PTPRT: variants seen among roughly 807,000 people sequenced by gnomAD.
PTPRT encodes the protein protein tyrosine phosphatase receptor type T, also known as receptor-type tyrosine-protein phosphatase T.
Under a neutral mutation model 176.8 loss-of-function variants are expected in PTPRT, and 56 were observed. That is an observed-to-expected ratio of 0.32 (90% confidence interval 0.26 to 0.40). The LOEUF (loss-of-function observed/expected upper bound fraction) is 0.40, where lower values mean the gene tolerates loss of function less well. Among genes scored for constraint, PTPRT ranks in the 10% least tolerant of loss-of-function variants. The pLI is 1.00. For synonymous variants in PTPRT, 783 were observed against 739.0 expected (o/e 1.06, Z -0.96); for missense variants, 1,540 against 1,908.2 (o/e 0.81, Z 3.60).
At chr20:42,407,982 T>A (rs1211370733) in intron 9 of PTPRT, among the ~76,000 whole-genome samples, 1 of 152,118 alleles carries the variant, frequency 6.6e-6, no homozygotes, top group Non-Finnish European at 1.5e-5. Flanking sequence ...ACTAATAAAT[T>A]TTATTGAAAC....
rs548811147 is a variant in PTPRT at position 43,008,640 on chromosome 20, G to A, written c.89-122708C>T. ...CGGGAGATGGAGGTTGCAGTGAGCC[G>A]ACATCACACCACTGCACTCCAGCCT... On this transcript the variant is annotated intron_variant, in intron 1 of 30. Transcript: ENST00000373187. Among the ~76,000 whole-genome samples, 8 of 152,074 alleles carry A rather than the reference G, an allele frequency of 5.3e-5. 1 individual carries two copies. In the Middle Eastern group the frequency reaches 0.014, roughly 259 times the overall value.
intron 2 of PTPRT, among the ~76,000 whole-genome samples, chr20:42,867,374 T>C (rs1375658152): frequency 6.6e-6 from 1 of 151,400 alleles, no homozygotes; most frequent in Non-Finnish European, 1.5e-5. Context: ...ATTTCTTCTA[T>C]GTGAAAAGAA....
chr20:42,683,061 C>T (rs1046742013), intron 6 of PTPRT, among the ~76,000 whole-genome samples: 1 of 152,068 alleles, frequency 6.6e-6, no homozygotes, highest in South Asian at 2.1e-4. Context: ...ACACTTTACA[C>T]CACACGTCTC....
chr20:42,577,927 G>C (rs1265905955), intron 7 of PTPRT, among the ~76,000 whole-genome samples: 1 of 99,170 alleles, frequency 1.0e-5, no homozygotes, highest in Non-Finnish European at 2.1e-5. Flanking sequence ...GCGAGGCTGT[G>C]TGTGTGTGTG....
chr20:42,098,360 C>T (rs2076251), intron 27 of PTPRT, 61 bp downstream of exon 27: 90,987 of 1,597,728 alleles, frequency 0.057, 5,812 homozygotes, highest in East Asian at 0.23. Context: ...AAGGGATCTC[C>T]CTCCAGGTTT....
At chr20:42,116,945 C>A (rs1987314029) in intron 21 of PTPRT, among the ~76,000 whole-genome samples, 1 of 152,186 alleles carries the variant, frequency 6.6e-6, no homozygotes, top group East Asian at 1.9e-4. Flanking sequence ...GAATCCTGGG[C>A]TGGCCTTTAT....
At chr20:43,064,719 A>C (rs1056490336) in intron 1 of PTPRT, among the ~76,000 whole-genome samples, 1 of 152,196 alleles carries the variant, frequency 6.6e-6, no homozygotes, top group Non-Finnish European at 1.5e-5. Flanking sequence ...TCAAGGAGGA[A>C]GCCCACATGT....
intron 9 of PTPRT, among the ~76,000 whole-genome samples, chr20:42,424,241 C>T (rs978457): frequency 0.67 from 102,605 of 152,014 alleles, 34,897 homozygotes; most frequent in East Asian, 0.77. Flanking sequence ...CCTTTTTGTC[C>T]CCAGCTGAAA....
chr20:42,871,393 C>A (rs968598592), intron 2 of PTPRT, among the ~76,000 whole-genome samples: 1 of 151,714 alleles, frequency 6.6e-6, no homozygotes, highest in East Asian at 1.9e-4. Flanking sequence ...CAGATAGTAA[C>A]CCTACAAGAG....
Position 42,406,367 on chromosome 20 carries a change from T to A in PTPRT, c.1560+41853A>T, listed in dbSNP as rs1283185553. The stretch of plus-strand genomic sequence containing the variant: ...GTGGTATAACCATAAATAGACAAGA[T>A]ATTAAATTTTAAAATATTATGTATA... On this transcript the variant is annotated intron_variant, in intron 9 of 30. Coordinates refer to ENST00000373187, the MANE Select transcript of PTPRT (RefSeq NM_007050.6). Among the ~76,000 whole-genome samples, 7 of 152,020 alleles carry A rather than the reference T, an allele frequency of 4.6e-5. No homozygotes were observed. In the East Asian group the frequency reaches 1.2e-3, roughly 25 times the overall value.
intron 1 of PTPRT, among the ~76,000 whole-genome samples, chr20:42,974,126 A>G (rs1349236378): frequency 6.6e-6 from 1 of 152,216 alleles, no homozygotes; most frequent in Non-Finnish European, 1.5e-5. Flanking sequence ...CCAGCAGCAG[A>G]TGCTACCCCA....
chr20:42,175,660 T>C (rs74167761), intron 16 of PTPRT, among the ~76,000 whole-genome samples: 7,929 of 148,390 alleles, frequency 0.053, 367 homozygotes, highest in East Asian at 0.18. Context: ...CTGTGTTTTT[T>C]TGCAAGTAAA....
At chr20:42,972,228 T>C (rs1982687654) in intron 1 of PTPRT, among the ~76,000 whole-genome samples, 1 of 148,288 alleles carries the variant, frequency 6.7e-6, no homozygotes, top group Admixed American at 6.6e-5. Context: ...GTGTGAACTT[T>C]CACAAAGGCC....
chr20:42,651,147 T>C (rs1287553627), intron 7 of PTPRT, among the ~76,000 whole-genome samples: 1 of 152,090 alleles, frequency 6.6e-6, no homozygotes. Flanking sequence ...TAAAGGAAAG[T>C]GAATTTGGTA....
At chr20:42,138,935 A>T (rs1988500149) in intron 18 of PTPRT, among the ~76,000 whole-genome samples, 1 of 152,120 alleles carries the variant, frequency 6.6e-6, no homozygotes, top group Non-Finnish European at 1.5e-5. Flanking sequence ...CTCCAGCCTC[A>T]CAGTGCTCTG....
At chr20:42,600,717 T>C (rs754535237) in intron 7 of PTPRT, among the ~76,000 whole-genome samples, 18 of 152,212 alleles carry the variant, frequency 1.2e-4, no homozygotes, top group Non-Finnish European at 1.9e-4. Flanking sequence ...TTTTTGACTT[T>C]ATGTGCCTGA....
chr20:42,293,868 C>T (rs2057351362), intron 12 of PTPRT, among the ~76,000 whole-genome samples: 4 of 152,112 alleles, frequency 2.6e-5, no homozygotes. Flanking sequence ...CACAGTCAAT[C>T]AACCATTAAT....
intron 6 of PTPRT, among the ~76,000 whole-genome samples, chr20:42,715,878 T>C (rs1290778181): frequency 6.6e-6 from 1 of 152,204 alleles, no homozygotes; most frequent in Non-Finnish European, 1.5e-5. Context: ...TGTATGGAAG[T>C]ATAAAGAACC....
chr20:42,594,001 C>T (rs1234996175), intron 7 of PTPRT, among the ~76,000 whole-genome samples: 4 of 151,980 alleles, frequency 2.6e-5, no homozygotes, highest in Non-Finnish European at 5.9e-5. Flanking sequence ...TTGGTTGAGG[C>T]CTTGGGAATT....
Sources: gnomAD v4.1 joint callset for allele counts (sites outside exome capture counted in the v4.1 genomes callset) on GRCh38, gnomAD v4.1.1 for gene constraint, MANE v1.5 for transcripts, NCBI Gene and HGNC (gene_info 2026-07-23, HGNC 2026-07-21) for gene names.